Variants in ANKH observed in about 807,000 individuals in gnomAD.
The protein encoded by ANKH is ANKH inorganic pyrophosphate transport regulator.
A neutral mutation model predicts 49.0 loss-of-function variants in ANKH; 15 were observed. The observed-to-expected ratio is 0.31, with a 90% CI of 0.20 to 0.47. The LOEUF (loss-of-function observed/expected upper bound fraction) is 0.47. Ranked by LOEUF, ANKH falls within the 20% of genes least tolerant of loss-of-function variation. ANKH has a pLI of 1.00. For synonymous variants in ANKH, 273 were observed against 260.0 expected (o/e 1.05, Z -0.48); for missense variants, 429 against 652.0 (o/e 0.66, Z 3.72).
chr5:14,850,511 T>A (rs1742092806), intron 1 of ANKH, among the ~76,000 whole-genome samples: 1 of 152,362 alleles, frequency 6.6e-6, no homozygotes, highest in Admixed American at 6.5e-5. Flanking sequence ...TACTGTGTGC[T>A]GAGTCTGGAA....
chr5:14,784,229 G>T (rs574021179), intron 1 of ANKH, among the ~76,000 whole-genome samples: 1 of 152,268 alleles, frequency 6.6e-6, no homozygotes, highest in Admixed American at 6.5e-5. Context: ...AACATAATAG[G>T]GTAACAACTA....
chr5:14,723,715 T>C (rs144972075), intron 8 of ANKH, among the ~76,000 whole-genome samples: 73 of 152,352 alleles, frequency 4.8e-4, no homozygotes, highest in Middle Eastern at 6.8e-3. Flanking sequence ...AGACTGTGAT[T>C]CATTTTCTGA....
intron 8 of ANKH, among the ~76,000 whole-genome samples, chr5:14,724,916 T>C (rs1249548425): frequency 1.3e-5 from 2 of 152,296 alleles, no homozygotes; most frequent in East Asian, 1.9e-4. Context: ...CCCATTGCCC[T>C]GAATAACCAG....
chr5:14,716,028 TTAAAG>T (rs144281649), intron 9 of ANKH, among the ~76,000 whole-genome samples: 4 of 152,184 alleles, frequency 2.6e-5, no homozygotes, highest in African/African-American at 9.7e-5. Context: ...ACTTTTTAAA[TTAAAG>T]TATTGTAAAA....
chr5:14,722,005 T>TCC (rs1372065572), intron 8 of ANKH, among the ~76,000 whole-genome samples: 1 of 151,706 alleles, frequency 6.6e-6, no homozygotes, highest in Non-Finnish European at 1.5e-5. Context: ...AGGTGAGGTT[T>TCC]CCCTAGCTTC....
chr5:14,720,634 C>G (rs975431513), intron 8 of ANKH, among the ~76,000 whole-genome samples: 7 of 152,188 alleles, frequency 4.6e-5, no homozygotes, highest in African/African-American at 1.7e-4. Flanking sequence ...GCCTTACAGT[C>G]TGGGCTGGCT....
chr5:14,727,917 ACT>A (rs1420205488), intron 8 of ANKH, among the ~76,000 whole-genome samples: 1 of 152,062 alleles, frequency 6.6e-6, no homozygotes, highest in African/African-American at 2.4e-5. Flanking sequence ...ATAACAGCAC[ACT>A]CTGTTCATTT....
rs1579997382 is a variant in ANKH at position 14,712,795 on chromosome 5, A to G, written c.1365+79T>C. The G allele has an allele frequency of 6.2e-5, 86 of 1,397,632 alleles. 1 individual carries two copies. The South Asian group carries it at 7.3e-4, about 12-fold the overall frequency. The allele number at this position is 1,397,632 out of a possible 1,614,324, so 86.6% of individuals were successfully genotyped here. ...CCCCACTGACGAACGCCACCATCCA[A>G]CCTGGTCAGTGGCTGCTCAGGTTCT... On this transcript the variant is annotated intron_variant, in intron 11 of 11. Coordinates refer to ENST00000284268, the MANE Select transcript of ANKH (RefSeq NM_054027.6).
intron 8 of ANKH, among the ~76,000 whole-genome samples, chr5:14,724,773 A>G (rs532721793): frequency 6.6e-6 from 1 of 152,298 alleles, no homozygotes; most frequent in Admixed American, 6.5e-5. Flanking sequence ...CATGCCAACC[A>G]GGCCACGGTG....
intron 1 of ANKH, among the ~76,000 whole-genome samples, chr5:14,839,727 G>A (rs926463561): frequency 1.3e-5 from 2 of 152,096 alleles, no homozygotes. Flanking sequence ...AGTCCTAATG[G>A]CACTCATTTT....
intron 2 of ANKH, among the ~76,000 whole-genome samples, chr5:14,759,119 A>T (rs1003011405): frequency 2.0e-5 from 3 of 152,220 alleles, no homozygotes; most frequent in Non-Finnish European, 4.4e-5. Context: ...ATGCCTTTCC[A>T]TAAAACTTTA....
intron 1 of ANKH, among the ~76,000 whole-genome samples, chr5:14,834,237 T>TC (rs35315119): frequency 0.63 from 95,327 of 151,946 alleles, 30,423 homozygotes; most frequent in East Asian, 0.84. Context: ...GACCTCAGTT[T>TC]CCCATCTGTA....
chr5:14,789,482 A>G (rs2126541573), intron 1 of ANKH, among the ~76,000 whole-genome samples: 1 of 150,692 alleles, frequency 6.6e-6, no homozygotes, highest in South Asian at 2.1e-4. Flanking sequence ...GCTAAGCTCC[A>G]TTTCTAAGCT....
At chr5:14,765,665 T>C (rs557577833) in intron 2 of ANKH, among the ~76,000 whole-genome samples, 11 of 152,298 alleles carry the variant, frequency 7.2e-5, no homozygotes, top group Admixed American at 5.9e-4. Flanking sequence ...GTAAATCTAA[T>C]GAAAAGGACC....
chr5:14,745,865 C>T lies in ANKH; in HGVS notation c.915+5G>A. 6.2e-7 allele frequency: 1 copy of T among 1,614,108 alleles called. No individual in the cohort carries two copies. The highest frequency in any genetic ancestry group is 8.5e-7 in the Non-Finnish European group (1 of 1,179,940). On this transcript the variant is annotated splice_donor_5th_base_variant and intron_variant, in intron 7 of 11. Transcript: ENST00000284268. This position sits in a 1 kb window ranked among gnomAD's most constrained non-coding sequence, Gnocchi z 4.7. Reference sequence around the variant, plus strand: ...TTTCAGACACGACACCGCACGGGTTCTCACCTTGTCGAAAGCAGGATACAC... The same window carrying T: ...TTTCAGACACGACACCGCACGGGTTTTCACCTTGTCGAAAGCAGGATACAC...
rs879754746 is a variant in ANKH at position 14,713,564 on chromosome 5, G to A, written c.1245C>T (p.Leu415=). The A allele has an allele frequency of 8.7e-6, 14 of 1,614,198 alleles. No homozygotes were observed. Among genetic ancestry groups the A allele is most frequent in the African/African-American group, 1.3e-5 (1 of 75,062 alleles). Residue 415 remains leucine (L), a synonymous_variant, in exon 10 of 12, where the codon CTC becomes CTT. Transcript: ENST00000284268. This position sits in a 1 kb window ranked among gnomAD's most constrained non-coding sequence, Gnocchi z 4.4. Reference sequence around the variant, plus strand: ...CATACCCCAGGTAGGGTAGGACCACGAGGCTGGCGATGAGGACGATGATCC... The same window carrying A: ...CATACCCCAGGTAGGGTAGGACCACAAGGCTGGCGATGAGGACGATGATCC... ...VLRIIVLIAS[L]VVLPYLGVHG...
chr5:14,833,824 T>C (rs1741577555), intron 1 of ANKH, among the ~76,000 whole-genome samples: 1 of 152,202 alleles, frequency 6.6e-6, no homozygotes, highest in South Asian at 2.1e-4. Flanking sequence ...GAAGCTTACC[T>C]ACCTACGTGC....
chr5:14,749,043 A>T, intron 6 of ANKH, 129 bp downstream of exon 6: 1 of 1,319,276 alleles, frequency 7.6e-7, no homozygotes, highest in Non-Finnish European at 1.1e-6. Context: ...ATGGCTTCCT[A>T]GTGTGACTGT....
intron 8 of ANKH, among the ~76,000 whole-genome samples, chr5:14,736,006 CTTTTTTTTTTTTTTTTTTTT>C (rs540010631): frequency 7.2e-5 from 6 of 83,666 alleles, no homozygotes; most frequent in African/African-American, 2.3e-4. Flanking sequence ...AAAAACCTAA[CTTTTTTTTTTTTTTTTTTTT>C]TTTTTTTTTT....
Sources: gnomAD v4.1 joint callset for allele counts (sites outside exome capture counted in the v4.1 genomes callset) on GRCh38, gnomAD v4.1.1 for gene constraint, Gnocchi (gnomAD v3.1) non-coding constraint, MANE v1.5 for transcripts, NCBI Gene and HGNC (gene_info 2026-07-23, HGNC 2026-07-21) for gene names.